Variants in OCRL observed in about 807,000 individuals in gnomAD.
The protein encoded by OCRL is OCRL inositol polyphosphate-5-phosphatase, also known as inositol polyphosphate 5-phosphatase OCRL.
A neutral mutation model predicts 78.9 loss-of-function variants in OCRL; 8 were observed. The observed-to-expected ratio is 0.10, with a 90% CI of 0.06 to 0.18. The LOEUF (loss-of-function observed/expected upper bound fraction) is 0.18. Ranked by LOEUF, OCRL falls within the 10% of genes least tolerant of loss-of-function variation. The pLI, the probability that OCRL is intolerant of heterozygous loss-of-function variation, is 1.00. For synonymous variants in OCRL, 240 were observed against 235.4 expected (o/e 1.02, Z -0.18); for missense variants, 454 against 696.7 (o/e 0.65, Z 3.92).
chrX:129,561,355 C>T, intron 10 of OCRL, 62 bp downstream of exon 10: 1 of 675,772 alleles, frequency 1.5e-6, no homozygotes, highest in Admixed American at 2.2e-5. Flanking sequence ...GGGAGTTATT[C>T]CATTATCTAC....
At position 129,557,577 on chromosome X, in the gene OCRL, A is replaced by G. The variant is rs747308708; in HGVS notation, c.349+142A>G. 6.4e-5 allele frequency: 37 copies of G among 579,019 alleles called. No homozygotes were observed. In the South Asian group the frequency reaches 9.0e-4, roughly 14 times the overall value. 47.7% of individuals were successfully genotyped at this position (579,019 alleles called of 1,213,427 possible). A position where few individuals can be genotyped will look rare whatever the true frequency, so the allele number is the denominator to read the frequency against. On this transcript the variant is annotated intron_variant, in intron 5 of 23. Transcript: ENST00000371113. The stretch of plus-strand genomic sequence containing the variant: ...CTGATTTTTTTTTCTTCAGGAGTGA[A>G]CACAGGGATAGGTTAGGGAAAAAAT...
At chrX:129,569,505 C>A in intron 15 of OCRL, 106 bp downstream of exon 15, 1 of 903,554 alleles carries the variant, frequency 1.1e-6, no homozygotes, top group Non-Finnish European at 1.6e-6. Flanking sequence ...ATAAATGTTC[C>A]ATAACCAAAT....
At chrX:129,564,125 C>T (rs1345616807) in intron 12 of OCRL, among the ~76,000 whole-genome samples, 1 of 111,164 alleles carries the variant, frequency 9.0e-6, no homozygotes, top group Non-Finnish European at 1.9e-5. Flanking sequence ...AAAAAATGCT[C>T]ACCATCACTG....
intron 12 of OCRL, 54 bp from the exon 13 acceptor site, chrX:129,565,718 C>G: frequency 1.1e-6 from 1 of 932,959 alleles, no homozygotes; most frequent in Non-Finnish European, 1.6e-6. Context: ...CCATCCTTCT[C>G]TGTTTTTTTT....
chrX:129,585,528 CA>C (rs1229436988), intron 19 of OCRL, among the ~76,000 whole-genome samples: 1 of 112,087 alleles, frequency 8.9e-6, no homozygotes, highest in African/African-American at 3.2e-5. Flanking sequence ...AGAGAGTTAG[CA>C]GAGTGCATGA....
At chrX:129,547,436 A>G (rs1935899704) in intron 3 of OCRL, among the ~76,000 whole-genome samples, 1 of 105,738 alleles carries the variant, frequency 9.5e-6, no homozygotes. Context: ...GAGGCAGGAG[A>G]ATGGTGTGAA....
At chrX:129,589,290 G>A (rs1232572148) in intron 22 of OCRL, 9 of 343,112 alleles carry the variant, frequency 2.6e-5, no homozygotes, top group Non-Finnish European at 4.7e-5. Context: ...GAAGCTGATT[G>A]TACGTGGAAT....
At chrX:129,560,277 A>G (rs1292973697) in intron 8 of OCRL, among the ~76,000 whole-genome samples, 1 of 112,596 alleles carries the variant, frequency 8.9e-6, no homozygotes, top group Admixed American at 9.4e-5. Flanking sequence ...CTTAATTGAA[A>G]GGAAATGTGG....
At chrX:129,568,540 CTGACT>C (rs1427750734) in intron 14 of OCRL, among the ~76,000 whole-genome samples, 1 of 112,060 alleles carries the variant, frequency 8.9e-6, no homozygotes, top group East Asian at 2.8e-4. Context: ...TTTCACTCAC[CTGACT>C]TTAGAGTCAG....
At chrX:129,554,496 G>C (rs746719981) in intron 4 of OCRL, 6 of 111,921 alleles carry the variant, frequency 5.4e-5, no homozygotes, top group East Asian at 2.8e-4. Flanking sequence ...GCATGATCTT[G>C]TAGAGGAAAG....
At chrX:129,559,386 A>G (rs979416740) in intron 8 of OCRL, among the ~76,000 whole-genome samples, 1 of 111,708 alleles carries the variant, frequency 9.0e-6, no homozygotes, top group African/African-American at 3.3e-5. Context: ...TTTTATAGAG[A>G]CTGGGTTTCA....
Position 129,549,115 on chromosome X carries a change from A to G in OCRL, c.238+514A>G, listed in dbSNP as rs1023372617. Reference sequence around the variant, plus strand: ...GTCCAGGCATTCCTTTAAAAAAAAAAGTTTAGTCTTTTATTTAAGCCCCAT... The same window carrying G: ...GTCCAGGCATTCCTTTAAAAAAAAAGGTTTAGTCTTTTATTTAAGCCCCAT... On this transcript the variant is annotated intron_variant, in intron 4 of 23. Coordinates refer to ENST00000371113, the MANE Select transcript of OCRL (RefSeq NM_000276.4). 9.9e-5 allele frequency among the ~76,000 whole-genome samples: 11 copies of G among 111,432 alleles called. No homozygotes were observed. In the East Asian group the frequency reaches 3.1e-3, roughly 31 times the overall value.
At chrX:129,573,094 C>T (rs1295535132) in intron 15 of OCRL, among the ~76,000 whole-genome samples, 1 of 111,941 alleles carries the variant, frequency 8.9e-6, no homozygotes, top group African/African-American at 3.3e-5. Context: ...ATACTATGGA[C>T]CCTGGTGATG....
At chrX:129,585,571 A>T (rs1168608754) in intron 19 of OCRL, among the ~76,000 whole-genome samples, 2 of 112,229 alleles carry the variant, frequency 1.8e-5, no homozygotes, top group Admixed American at 1.9e-4. Context: ...TACCATGTGG[A>T]TGCTTGGATT....
chrX:129,569,188 C>A (rs1258993970), intron 14 of OCRL, 76 bp from the exon 15 acceptor site: 2 of 1,105,034 alleles, frequency 1.8e-6, no homozygotes, highest in African/African-American at 3.6e-5. Context: ...GAGCCTAACC[C>A]TGATCTAAAC....
chrX:129,590,628 C>T lies in OCRL; in HGVS notation c.*358C>T. The T allele has an allele frequency of 4.1e-6, 1 of 243,857 alleles. No homozygotes were observed. Among genetic ancestry groups the T allele is most frequent in the South Asian group, 4.8e-5 (1 of 20,949 alleles). 20.1% of individuals were successfully genotyped at this position (243,857 alleles called of 1,213,427 possible). A position where few individuals can be genotyped will look rare whatever the true frequency, so the allele number is the denominator to read the frequency against. On this transcript the variant is annotated 3_prime_UTR_variant, in exon 24 of 24. Coordinates refer to ENST00000371113, the MANE Select transcript of OCRL (RefSeq NM_000276.4). ...GCCTAGATTCTGAGATCTTCCCATT[C>T]TAGGCCTACAAGCACTACTTGCTGT...
chrX:129,548,654 A>G lies in OCRL; in HGVS notation c.238+53A>G, dbSNP rs369291734. 8.3e-5 allele frequency: 83 copies of G among 1,004,867 alleles called. No homozygotes were observed. In the African/African-American group the frequency reaches 1.4e-3, roughly 17 times the overall value. 82.8% of individuals were successfully genotyped at this position (1,004,867 alleles called of 1,213,427 possible). A position where few individuals can be genotyped will look rare whatever the true frequency, so the allele number is the denominator to read the frequency against. On this transcript the variant is annotated intron_variant, in intron 4 of 23. Coordinates refer to ENST00000371113, the MANE Select transcript of OCRL (RefSeq NM_000276.4). ...TTTTACTCAACAAATATTTACTTGA[A>G]CACTCACTACATTTAAGACACCTTT... is the stretch of plus-strand genomic sequence containing the variant.
Position 129,548,702 on chromosome X carries a change from C to T in OCRL, c.238+101C>T. 4 of 720,344 alleles carry T rather than the reference C, an allele frequency of 5.6e-6. No individual in the cohort carries two copies. The South Asian group carries it at 9.0e-5, about 16-fold the overall frequency. 59.4% of individuals were successfully genotyped at this position (720,344 alleles called of 1,213,427 possible). On this transcript the variant is annotated intron_variant, in intron 4 of 23. Coordinates refer to ENST00000371113, the MANE Select transcript of OCRL (RefSeq NM_000276.4). ...TTTTGGGGCACATTTTTTATTTTAC[C>T]ATCTTTTCCTGTAGTCTCCTGTAGC...
intron 15 of OCRL, among the ~76,000 whole-genome samples, chrX:129,573,309 A>G (rs997116972): frequency 9.0e-6 from 1 of 111,601 alleles, no homozygotes; most frequent in Non-Finnish European, 1.9e-5. Context: ...GGTTTGCTGC[A>G]CCTATCAACC....
Sources: allele counts gnomAD v4.1 joint callset (sites outside exome capture counted in the v4.1 genomes callset), GRCh38; gene constraint gnomAD v4.1.1; transcripts MANE v1.5; gene names NCBI Gene and HGNC (gene_info 2026-07-23, HGNC 2026-07-21).